Variants in PARD3B observed in about 807,000 individuals in gnomAD.
PARD3B encodes par-3 family cell polarity regulator beta.
In PARD3B, 103 loss-of-function variants were observed where a neutral mutation model predicts 130.2. The ratio of observed to expected loss-of-function variants is 0.79; its 90% CI spans 0.67 to 0.93. The LOEUF is 0.93. Among genes scored for constraint, PARD3B ranks in the 40% least tolerant of loss-of-function variants. The pLI is 0.00. For missense variants in PARD3B, 1,609 were observed against 1,499.2 expected, an observed-to-expected ratio of 1.07 and a Z score of -1.21; for synonymous variants, 583 against 553.2, an observed-to-expected ratio of 1.05 and a Z score of -0.76.
chr2:205,549,720 C>T (rs1191597967), intron 21 of PARD3B, among the ~76,000 whole-genome samples: 1 of 152,158 alleles, frequency 6.6e-6, no homozygotes, highest in Non-Finnish European at 1.5e-5. Context: ...TGCCATTATA[C>T]ATTTGTCCAA....
At chr2:204,783,671 C>A (rs192788780) in intron 2 of PARD3B, among the ~76,000 whole-genome samples, 1 of 152,204 alleles carries the variant, frequency 6.6e-6, no homozygotes, top group South Asian at 2.1e-4. Context: ...CATTTAGGGA[C>A]AACCTACTTT....
chr2:204,670,954 G>A (rs1377917238), intron 1 of PARD3B, among the ~76,000 whole-genome samples: 3 of 152,000 alleles, frequency 2.0e-5, no homozygotes, highest in Admixed American at 2.0e-4. Flanking sequence ...CTTTTTCCTA[G>A]GAACATTGCT....
chr2:204,992,072 T>G (rs1434380301), intron 3 of PARD3B, among the ~76,000 whole-genome samples: 1 of 152,010 alleles, frequency 6.6e-6, no homozygotes, highest in African/African-American at 2.4e-5. Context: ...GCAGAAGCTC[T>G]TTAGTTTAAT....
intron 20 of PARD3B, among the ~76,000 whole-genome samples, chr2:205,467,355 A>G (rs554730865): frequency 1.3e-5 from 2 of 152,324 alleles, no homozygotes; most frequent in Admixed American, 6.5e-5. Context: ...CCATGTAGGA[A>G]ACATTCAAAA....
chr2:205,080,602 G>A (rs1356460907), intron 4 of PARD3B, among the ~76,000 whole-genome samples: 1 of 151,982 alleles, frequency 6.6e-6, no homozygotes, highest in Non-Finnish European at 1.5e-5. Context: ...TCCACTTTGG[G>A]ATTATTAATA....
At chr2:205,524,863 C>A (rs1300853647) in intron 21 of PARD3B, among the ~76,000 whole-genome samples, 3 of 152,200 alleles carry the variant, frequency 2.0e-5, no homozygotes, top group African/African-American at 7.2e-5. Context: ...GGCACTATTT[C>A]CAATACATAC....
intron 2 of PARD3B, among the ~76,000 whole-genome samples, chr2:204,955,887 G>A (rs1382113704): frequency 6.6e-6 from 1 of 152,196 alleles, no homozygotes; most frequent in Non-Finnish European, 1.5e-5. Context: ...CATGGATATA[G>A]CACTGTGGGA....
In PARD3B at chr2:204,907,340, C is replaced by T. The variant is rs2047073176; in HGVS notation, c.223-57812C>T. On this transcript the variant is annotated intron_variant, in intron 2 of 22. Transcript: ENST00000406610. The surrounding 1 kb of genome is among the most constrained non-coding windows in gnomAD (Gnocchi z 5.7). ...TGACAGATGATGTGAATCCATAGGG[C>T]CATGCTTCTAGGTCTTGTCTTTGAA... Among the ~76,000 whole-genome samples, 1 of 152,112 alleles carries T rather than the reference C, an allele frequency of 6.6e-6. No homozygotes were observed. The highest frequency in any genetic ancestry group is 6.6e-5 in the Admixed American group (1 of 15,264).
intron 2 of PARD3B, among the ~76,000 whole-genome samples, chr2:204,918,615 G>T (rs1364016748): frequency 6.8e-6 from 1 of 146,586 alleles, no homozygotes; most frequent in Non-Finnish European, 1.5e-5. Flanking sequence ...GGGCGACAGA[G>T]CGAGACTCCG....
At chr2:205,174,607 C>G (rs2035360565) in intron 12 of PARD3B, among the ~76,000 whole-genome samples, 1 of 152,138 alleles carries the variant, frequency 6.6e-6, no homozygotes, top group Non-Finnish European at 1.5e-5. Context: ...CACTTGCCCT[C>G]CAGTACAATA....
intron 3 of PARD3B, among the ~76,000 whole-genome samples, chr2:205,031,722 G>A (rs1697439536): frequency 6.6e-6 from 1 of 152,052 alleles, no homozygotes; most frequent in Non-Finnish European, 1.5e-5. Flanking sequence ...TGAAATTGAG[G>A]CAAAATGGGC....
chr2:204,579,530 G>A (rs773435481), intron 1 of PARD3B, among the ~76,000 whole-genome samples: 2 of 152,160 alleles, frequency 1.3e-5, no homozygotes, highest in African/African-American at 2.4e-5. Context: ...GTTCTACTCA[G>A]TCTCGTAGGA....
chr2:204,929,018 T>C (rs1687835604), intron 2 of PARD3B, among the ~76,000 whole-genome samples: 1 of 152,128 alleles, frequency 6.6e-6, no homozygotes, highest in Non-Finnish European at 1.5e-5. Flanking sequence ...TTCCAATATC[T>C]GCAAATGGTT....
intron 1 of PARD3B, among the ~76,000 whole-genome samples, chr2:204,601,247 A>G (rs929672076): frequency 3.3e-5 from 5 of 151,976 alleles, no homozygotes; most frequent in Admixed American, 2.0e-4. Context: ...TAATATGGTC[A>G]GAAATTTAAA....
intron 18 of PARD3B, among the ~76,000 whole-genome samples, chr2:205,392,238 G>T (rs141269742): frequency 1.3e-5 from 2 of 152,170 alleles, no homozygotes; most frequent in African/African-American, 2.4e-5. Flanking sequence ...GTTGTAGAAC[G>T]TTATAGGACC....
At chr2:205,222,482 AT>A (rs1364560181) in intron 15 of PARD3B, among the ~76,000 whole-genome samples, 1 of 152,226 alleles carries the variant, frequency 6.6e-6, no homozygotes, top group Non-Finnish European at 1.5e-5. Flanking sequence ...GATAACACAT[AT>A]TGAAATGCTT....
At chr2:204,546,283 G>C (rs1040264229) in intron 1 of PARD3B, 164 bp downstream of exon 1, 2 of 995,388 alleles carry the variant, frequency 2.0e-6, no homozygotes, top group Non-Finnish European at 2.9e-6. Context: ...GGGTGTCTTT[G>C]GGTGTTTGTG....
Position 205,276,505 on chromosome 2 carries a change from AG to A in PARD3B, c.2186-24022del, listed in dbSNP as rs1188146797. On this transcript the variant is annotated intron_variant, in intron 16 of 22. Coordinates refer to ENST00000406610, the MANE Select transcript of PARD3B (RefSeq NM_001302769.2). This position sits in a 1 kb window ranked among gnomAD's most constrained non-coding sequence, Gnocchi z 5.0. ...ATTTAAAAGAAGACAAAGGAGTTGC[AG>A]GGAGAAGCAGGTTGGCAATGAGGAG... is the stretch of plus-strand genomic sequence containing the variant. Among the ~76,000 whole-genome samples the A allele has an allele frequency of 7.2e-5, 11 of 152,196 alleles. No individual in the cohort carries two copies. Among genetic ancestry groups the A allele is most frequent in the Admixed American group, 3.3e-4 (5 of 15,278 alleles).
chr2:204,999,105 T>C (rs376264523), intron 3 of PARD3B, among the ~76,000 whole-genome samples: 27 of 134,456 alleles, frequency 2.0e-4, no homozygotes, highest in African/African-American at 7.8e-4. Flanking sequence ...GCTTTCTTAC[T>C]TTTTTTTTTT....
Sources: allele counts gnomAD v4.1 joint callset (sites outside exome capture counted in the v4.1 genomes callset), GRCh38; gene constraint gnomAD v4.1.1; non-coding constraint Gnocchi (gnomAD v3.1); transcripts MANE v1.5; gene names NCBI Gene and HGNC (gene_info 2026-07-23, HGNC 2026-07-21).